Variants in ZNF263 observed in about 807,000 individuals in gnomAD.
ZNF263 encodes the protein zinc finger protein 263, also known as zinc finger protein FPM315.
A neutral mutation model predicts 63.1 loss-of-function variants in ZNF263; 49 were observed. The observed-to-expected ratio is 0.78, with a 90% confidence interval of 0.62 to 0.99. The LOEUF is 0.99. ZNF263 is among the 50% of genes least tolerant of loss of function. The pLI is 0.00. For synonymous variants in ZNF263, 352 were observed against 324.2 expected, an observed-to-expected ratio of 1.09 and a Z score of -0.92; for missense variants, 872 against 854.8, an observed-to-expected ratio of 1.02 and a Z score of -0.25.
At chr16:3,298,485 A>G (rs1959829584) in intron 1 of ZNF263, among the ~76,000 whole-genome samples, 1 of 152,248 alleles carries the variant, frequency 6.6e-6, no homozygotes, top group Non-Finnish European at 1.5e-5. Flanking sequence ...TCATTAGTCA[A>G]TAGAATTGAG....
intron 2 of ZNF263, chr16:3,300,150 T>C: frequency 1.2e-6 from 2 of 1,614,232 alleles, no homozygotes; most frequent in Non-Finnish European, 1.7e-6. Flanking sequence ...TTTGTCGAAA[T>C]GGCTCAACAT....
downstream of ZNF263, among the ~76,000 whole-genome samples, chr16:3,295,836 A>G (rs1959731004): frequency 1.3e-5 from 2 of 152,162 alleles, no homozygotes; most frequent in African/African-American, 4.8e-5. Context: ...TGGAGAGGAG[A>G]GATCCAGGAG....
chr16:3,285,685 A>G lies in ZNF263; in HGVS notation c.573A>G (p.Leu191=). 1 of 1,614,124 alleles carries G rather than the reference A, an allele frequency of 6.2e-7. No homozygotes were observed. The highest frequency in any genetic ancestry group is 8.5e-7 in the Non-Finnish European group (1 of 1,180,012). ...RDPQAVKERA[L]SAPWLSLFPP... ...TATAATTTCTGTCACCTTCAGCATT[A>G]TCTGCTCCCTGGCTTTCTCTTTTTC... Residue 191 remains leucine, a synonymous_variant, in exon 3 of 6, where the codon TTA becomes TTG. Coordinates refer to ENST00000219069, the MANE Select transcript of ZNF263 (RefSeq NM_005741.5).
At chr16:3,286,271 C>G in intron 4 of ZNF263, 122 bp downstream of exon 4, 1 of 1,401,140 alleles carries the variant, frequency 7.1e-7, no homozygotes, top group South Asian at 1.6e-5. Flanking sequence ...AGGAGACTTC[C>G]CTTTGTCTAA....
chr16:3,292,357 T>C (rs1959634495), downstream of ZNF263, among the ~76,000 whole-genome samples: 1 of 152,204 alleles, frequency 6.6e-6, no homozygotes, highest in Non-Finnish European at 1.5e-5. Context: ...AATATCTCAC[T>C]ATTTCTCATT....
rs1200526161 is a variant in ZNF263 at position 3,285,162 on chromosome 16, A to G, written c.491A>G (p.Glu164Gly). The G allele has an allele frequency of 5.6e-6, 9 of 1,614,070 alleles. No homozygotes were observed. In the Middle Eastern group the frequency reaches 1.0e-3, roughly 179 times the overall value. Reference sequence around the variant, plus strand: ...TTCAAGCTGGAGCCAATGGAGACTGAGCGAAGCCCTGGCCCCAGGCTGCAG... The same window carrying G: ...TTCAAGCTGGAGCCAATGGAGACTGGGCGAAGCCCTGGCCCCAGGCTGCAG... ...PSFKLEPMETERSPGPRLQEL... is the reference protein window; with the variant it reads ...PSFKLEPMETGRSPGPRLQEL... Residue 164 changes from glutamate (E) to glycine (G), a missense_variant, in exon 2 of 6, where the codon GAG (glutamate) becomes GGG (glycine). Coordinates refer to ENST00000219069, the MANE Select transcript of ZNF263 (RefSeq NM_005741.5).
At chr16:3,298,687 A>G (rs765003637) in intron 1 of ZNF263, 8 of 229,624 alleles carry the variant, frequency 3.5e-5, no homozygotes, top group Non-Finnish European at 5.9e-5. Flanking sequence ...GTTATACGAT[A>G]TGATTACAAA....
chr16:3,285,653 T>A (rs977109940), intron 2 of ZNF263, 28 bp from the exon 3 acceptor site: 22 of 1,608,566 alleles, frequency 1.4e-5, no homozygotes, highest in Non-Finnish European at 1.8e-5. Flanking sequence ...AGGAATGCCA[T>A]TCTCATTATA....
At chr16:3,293,582 G>C (rs760915358), downstream of ZNF263, among the ~76,000 whole-genome samples, 42 of 152,224 alleles carry the variant, frequency 2.8e-4, no homozygotes, top group Non-Finnish European at 5.1e-4. Flanking sequence ...AGGACCTCTA[G>C]CCTCTAAGTC....
At position 3,283,625 on chromosome 16, in the gene ZNF263, TG is replaced by T; in HGVS notation, c.-192del. On this transcript the variant is annotated 5_prime_UTR_variant, in exon 1 of 6. An upstream open reading frame in the 5' UTR loses its in-frame stop. Coordinates refer to ENST00000219069, the MANE Select transcript of ZNF263 (RefSeq NM_005741.5). The stretch of plus-strand genomic sequence containing the variant: ...GCGCAGATGGGCCACGGGGCCGGCG[TG>T]GCGGCGCCTGGGACCGACTGAGGCC... The T allele has an allele frequency of 2.5e-6, 2 of 788,646 alleles. No homozygotes were observed. The highest frequency in any genetic ancestry group is 3.4e-6 in the Non-Finnish European group (2 of 582,222). 48.9% of individuals were successfully genotyped at this position (788,646 alleles called of 1,614,324 possible).
rs768516356 is a variant in ZNF263, at chr16:3,290,545, C to T, written c.2039C>T (p.Thr680Ile). Residue 680 changes from threonine to isoleucine, a missense_variant, in exon 6 of 6, where the codon ACT (threonine) becomes ATT (isoleucine). Coordinates refer to ENST00000219069, the MANE Select transcript of ZNF263 (RefSeq NM_005741.5). The stretch of plus-strand genomic sequence containing the variant: ...TCCCGTCTTATGAGTCATCAGAGAA[C>T]TCACACAGGTTAGTAACAGTGGGGT... Reference protein sequence around the residue: ...RSSRLMSHQRTHTG With the variant: ...RSSRLMSHQRIHTG 7 of 1,610,618 alleles carry T rather than the reference C, an allele frequency of 4.3e-6. No homozygotes were observed. The highest frequency in any genetic ancestry group is 1.3e-5 in the African/African-American group (1 of 74,742).
chr16:3,299,364 A>C (rs1348511027), intron 2 of ZNF263: 1 of 1,585,994 alleles, frequency 6.3e-7, no homozygotes, highest in Non-Finnish European at 8.6e-7. Context: ...TATAATCCCC[A>C]TGTTCTAAGC....
intron 2 of ZNF263, chr16:3,300,564 C>T: frequency 6.2e-7 from 1 of 1,606,020 alleles, no homozygotes; most frequent in Non-Finnish European, 8.5e-7. Flanking sequence ...TACTTAGAAC[C>T]TTCATTTTCT....
At chr16:3,297,053 G>T (rs768469832) in intron 1 of ZNF263, among the ~76,000 whole-genome samples, 1 of 151,984 alleles carries the variant, frequency 6.6e-6, no homozygotes, top group Non-Finnish European at 1.5e-5. Flanking sequence ...ACCCGTAATC[G>T]CAGCACTTTG....
chr16:3,300,801 G>GC, intron 2 of ZNF263: 1 of 1,011,006 alleles, frequency 9.9e-7, no homozygotes, highest in Non-Finnish European at 1.4e-6. Context: ...AGAGGTGGAG[G>GC]TCTTATGCAC....
In ZNF263 at chr16:3,299,204, G is replaced by C. The variant is rs1312057471; in HGVS notation, c.*46+48G>C. 4 of 1,603,110 alleles carry C rather than the reference G, an allele frequency of 2.5e-6. No homozygotes were observed. The African/African-American group carries it at 4.0e-5, about 16-fold the overall frequency. ...GCAGATAATTTAAATTCAGCAGTCT[G>C]CTTCTCAGCTTCTCCTCCTTTTTGA... On this transcript the variant is annotated intron_variant, in intron 2 of 2. Coordinates refer to the ZNF263 transcript ENST00000574674.
intron 4 of ZNF263, among the ~76,000 whole-genome samples, chr16:3,288,188 G>A (rs1411012112): frequency 2.0e-5 from 3 of 151,436 alleles, no homozygotes; most frequent in African/African-American, 7.3e-5. Flanking sequence ...GGAGGCAGAG[G>A]TTGCAGTGAG....
In ZNF263 at chr16:3,291,078, G is replaced by A; in HGVS notation, c.*520G>A. 1.0e-6 allele frequency: 1 copy of A among 993,010 alleles called. No homozygotes were observed. Among genetic ancestry groups the A allele is most frequent in the Non-Finnish European group, 1.2e-6 (1 of 833,656 alleles). 61.5% of individuals were successfully genotyped at this position (993,010 alleles called of 1,614,324 possible). A position where few individuals can be genotyped will look rare whatever the true frequency, so the allele number is the denominator to read the frequency against. ...GAAGGCCCCAGTTGGGAAGCCATGGGCAGTCCAGATCAAGCCACCACGTGC... is the reference window on the plus strand; with the variant it reads ...GAAGGCCCCAGTTGGGAAGCCATGGACAGTCCAGATCAAGCCACCACGTGC... On this transcript the variant is annotated 3_prime_UTR_variant, in exon 6 of 6. Transcript: ENST00000219069.
Position 3,283,884 on chromosome 16 carries a change from C to A in ZNF263, c.66C>A (p.Cys22Ter). The change falls in exon 1 of 6, where the codon TGC becomes TGA. Residue 22 changes from cysteine to a stop codon, truncating the protein, a stop_gained. Transcript: ENST00000219069. LOFTEE classifies it high-confidence loss of function. ...GLLIVKLEED[C>*]AWSQELPPPD... ...TGATAGTGAAGCTGGAGGAGGACTGCGCCTGGAGCCAGGAGCTGCCCCCAC... is the reference window on the plus strand; with the variant it reads ...TGATAGTGAAGCTGGAGGAGGACTGAGCCTGGAGCCAGGAGCTGCCCCCAC... The A allele has an allele frequency of 6.2e-7, 1 of 1,609,796 alleles. No homozygotes were observed. Among genetic ancestry groups the A allele is most frequent in the Non-Finnish European group, 8.5e-7 (1 of 1,178,530 alleles).
Sources: allele counts gnomAD v4.1 joint callset (sites outside exome capture counted in the v4.1 genomes callset), GRCh38; gene constraint gnomAD v4.1.1; transcripts MANE v1.5; gene names NCBI Gene and HGNC (gene_info 2026-07-23, HGNC 2026-07-21).